The following TLL2 variants were observed in gnomAD, a reference collection of about 807,000 sequenced individuals.
TLL2 encodes tolloid like 2.
TLL2 carries 106 observed loss-of-function variants against 123.0 expected under a neutral mutation model. The observed-to-expected ratio is 0.86, with a 90% CI of 0.74 to 1.01. The LOEUF (loss-of-function observed/expected upper bound fraction) is 1.01. TLL2 is among the 50% of genes least tolerant of loss of function. The pLI is 0.00. For missense variants in TLL2, 1,332 were observed against 1,336.7 expected, an observed-to-expected ratio of 1.00 and a Z score of 0.06; for synonymous variants, 494 against 516.8, an observed-to-expected ratio of 0.96 and a Z score of 0.60.
At chr10:96,497,571 A>G (rs531875010) in intron 1 of TLL2, among the ~76,000 whole-genome samples, 113 of 152,248 alleles carry the variant, frequency 7.4e-4, no homozygotes, top group African/African-American at 2.5e-3. Context: ...CTTCCCTGCT[A>G]GATGCTACAG....
intron 1 of TLL2, among the ~76,000 whole-genome samples, chr10:96,481,502 A>G (rs1847311750): frequency 6.6e-6 from 1 of 152,198 alleles, no homozygotes; most frequent in South Asian, 2.1e-4. Context: ...TTGCTATCAG[A>G]AATAGTATGT....
intron 5 of TLL2, among the ~76,000 whole-genome samples, chr10:96,424,480 C>T (rs1246167714): frequency 2.0e-5 from 3 of 152,124 alleles, no homozygotes; most frequent in Non-Finnish European, 2.9e-5. Context: ...TGTTTAAGTC[C>T]TATTTCCCTC....
At chr10:96,465,945 G>A (rs187205620) in intron 2 of TLL2, among the ~76,000 whole-genome samples, 11 of 152,340 alleles carry the variant, frequency 7.2e-5, no homozygotes, top group Admixed American at 2.6e-4. Flanking sequence ...ATTTTTAAAT[G>A]TTGGCAGTAA....
chr10:96,376,824 G>T lies in TLL2; in HGVS notation c.2321-5C>A. 1.3e-6 allele frequency: 2 copies of T among 1,516,866 alleles called. No individual in the cohort carries two copies. The highest frequency in any genetic ancestry group is 2.6e-5 in the South Asian group (2 of 77,322). 94.0% of individuals were successfully genotyped at this position (1,516,866 alleles called of 1,614,324 possible). A position where few individuals can be genotyped will look rare whatever the true frequency, so the allele number is the denominator to read the frequency against. On this transcript the variant is annotated splice_polypyrimidine_tract_variant and splice_region_variant and intron_variant, in intron 17 of 20. Coordinates refer to ENST00000357947, the MANE Select transcript of TLL2 (RefSeq NM_012465.4). ...TGATCTTGTGTGCACAGCCAGCTGG[G>T]GGTGGCAGGGGGACACATACAAAGA...
intron 1 of TLL2, among the ~76,000 whole-genome samples, chr10:96,511,675 G>A (rs929428304): frequency 6.6e-6 from 1 of 152,200 alleles, no homozygotes; most frequent in African/African-American, 2.4e-5. Flanking sequence ...ACGGGGAGCT[G>A]GCATGCCTCT....
rs568392324 is a variant in TLL2 at position 96,513,373 on chromosome 10, T to C, written c.175+138A>G. ...GTTTTTAAGCAATTCCTCGGAGGCA[T>C]TGTCTTCCGGGGGAGCCGGGGATCT... On this transcript the variant is annotated intron_variant, in intron 1 of 20. Transcript: ENST00000357947. 2.1e-3 allele frequency: 2,283 copies of C among 1,109,746 alleles called. 8 individuals are homozygous for C. The highest frequency in any genetic ancestry group is 6.9e-3 in the Middle Eastern group (34 of 4,902). The allele number at this position is 1,109,746 out of a possible 1,614,324, so 68.7% of individuals were successfully genotyped here. A position where few individuals can be genotyped will look rare whatever the true frequency, so the allele number is the denominator to read the frequency against.
intron 1 of TLL2, among the ~76,000 whole-genome samples, chr10:96,492,670 G>A (rs1156561154): frequency 1.3e-5 from 2 of 152,144 alleles, no homozygotes; most frequent in Non-Finnish European, 2.9e-5. Flanking sequence ...TCTCCCCAAA[G>A]TTCCACATTC....
intron 2 of TLL2, among the ~76,000 whole-genome samples, chr10:96,451,360 C>T (rs535355725): frequency 2.0e-5 from 3 of 152,112 alleles, no homozygotes; most frequent in African/African-American, 2.4e-5. Flanking sequence ...CACACAACGC[C>T]CCTCCACCAT....
chr10:96,374,054 A>C (rs921209848), intron 18 of TLL2: 5 of 515,746 alleles, frequency 9.7e-6, no homozygotes, highest in African/African-American at 7.7e-5. Flanking sequence ...TACAATGACC[A>C]CACTGCAGAT....
At chr10:96,470,879 TA>T (rs1847172537) in intron 2 of TLL2, among the ~76,000 whole-genome samples, 1 of 152,202 alleles carries the variant, frequency 6.6e-6, no homozygotes, top group African/African-American at 2.4e-5. Context: ...TAACAAATGG[TA>T]CTTGTTCTCA....
intron 18 of TLL2, among the ~76,000 whole-genome samples, chr10:96,374,976 G>T (rs965709007): frequency 1.2e-5 from 1 of 80,828 alleles, no homozygotes; most frequent in African/African-American, 5.8e-5. Flanking sequence ...GGGGGGGGGG[G>T]GTGTCAATTC....
intron 2 of TLL2, among the ~76,000 whole-genome samples, chr10:96,447,124 C>T (rs530744133): frequency 9.2e-5 from 14 of 152,276 alleles, no homozygotes; most frequent in Admixed American, 7.2e-4. Context: ...AATGATCTGG[C>T]CATGTGGAGA....
intron 7 of TLL2, among the ~76,000 whole-genome samples, chr10:96,417,211 T>C (rs1022663402): frequency 6.6e-6 from 1 of 152,196 alleles, no homozygotes; most frequent in Non-Finnish European, 1.5e-5. Context: ...TTTAGGGTCT[T>C]TGTGACCAGA....
chr10:96,473,209 C>A (rs535478399), intron 2 of TLL2, among the ~76,000 whole-genome samples: 2 of 152,196 alleles, frequency 1.3e-5, no homozygotes, highest in African/African-American at 4.8e-5. Context: ...AATCCCAGAA[C>A]TTTGGGAGGC....
chr10:96,378,879 C>T, intron 17 of TLL2, 88 bp downstream of exon 17: 3 of 1,547,060 alleles, frequency 1.9e-6, no homozygotes, highest in Non-Finnish European at 2.7e-6. Flanking sequence ...GTCCTCGCCG[C>T]ACCTCCTTAC....
intron 1 of TLL2, among the ~76,000 whole-genome samples, chr10:96,481,210 G>T (rs962286910): frequency 2.0e-4 from 31 of 151,862 alleles, no homozygotes; most frequent in African/African-American, 6.5e-4. Flanking sequence ...GCAGTGTCAC[G>T]ATCATAGCTT....
At chr10:96,440,119 G>C (rs567563649) in intron 3 of TLL2, among the ~76,000 whole-genome samples, 1 of 152,182 alleles carries the variant, frequency 6.6e-6, no homozygotes, top group African/African-American at 2.4e-5. Flanking sequence ...TCACCTTTTA[G>C]ATGACCTACC....
intron 3 of TLL2, among the ~76,000 whole-genome samples, chr10:96,443,951 C>T (rs1249861667): frequency 2.0e-5 from 3 of 152,170 alleles, no homozygotes; most frequent in Non-Finnish European, 4.4e-5. Flanking sequence ...AAAGGATCTG[C>T]CTCTCTCTAA....
In TLL2 at chr10:96,422,741, G is replaced by A. The variant is rs1846638136; in HGVS notation, c.639-14C>T. ...TAGGAGCAACAGCTGGACAATTGCA[G>A]GAATACCCAGGTCAGCAGGTCAGAA... is the stretch of plus-strand genomic sequence containing the variant. On this transcript the variant is annotated splice_polypyrimidine_tract_variant and intron_variant, in intron 5 of 20. Transcript: ENST00000357947. 6.2e-7 allele frequency: 1 copy of A among 1,613,960 alleles called. No individual in the cohort carries two copies. Among genetic ancestry groups the A allele is most frequent in the Non-Finnish European group, 8.5e-7 (1 of 1,179,984 alleles).
Sources: gnomAD v4.1 joint callset for allele counts (sites outside exome capture counted in the v4.1 genomes callset) on GRCh38, gnomAD v4.1.1 for gene constraint, MANE v1.5 for transcripts, NCBI Gene and HGNC (gene_info 2026-07-23, HGNC 2026-07-21) for gene names.